SON: variants seen among roughly 807,000 people sequenced by gnomAD.
SON encodes SON DNA and RNA binding protein.
In SON, 4 loss-of-function variants were observed where a neutral mutation model predicts 173.3. That is an observed-to-expected ratio of 0.02 (90% CI 0.01 to 0.05). The LOEUF (loss-of-function observed/expected upper bound fraction) is 0.05, where lower values mean the gene tolerates loss of function less well. Ranked by LOEUF, SON falls within the 10% of genes least tolerant of loss-of-function variation. SON has a pLI of 1.00. For missense variants in SON, 2,626 were observed against 3,055.3 expected (o/e 0.86, Z 3.31); for synonymous variants, 1,190 against 1,105.9 (o/e 1.08, Z -1.51).
intron 9 of SON, among the ~76,000 whole-genome samples, chr21:33,574,129 A>C (rs2145885106): frequency 6.6e-6 from 1 of 152,336 alleles, no homozygotes; most frequent in Non-Finnish European, 1.5e-5. Flanking sequence ...ATGATAGCTA[A>C]TTGGCGTCTT....
rs763563040 is a variant in SON, at chr21:33,551,944, A to G, written c.2713A>G (p.Met905Val). ...AGCGTCTAGTACCCAAGATTCTGCT[A>G]TGTTGGGTTCAAAATCTCCTGATCC... ...MLASSTQDSA[M>V]LGSKSPDPYR... The change falls in exon 3 of 12, where the codon ATG becomes GTG. Residue 905 changes from methionine to valine, a missense_variant. Physicochemically the swap from Met to Val is conservative, Grantham distance 21. Transcript: ENST00000356577. 1.9e-5 allele frequency: 31 copies of G among 1,614,006 alleles called. No individual in the cohort carries two copies. Among genetic ancestry groups the G allele is most frequent in the East Asian group, 2.2e-5 (1 of 44,902 alleles).
chr21:33,555,020 G>A lies in SON; in HGVS notation c.5789G>A (p.Arg1930Gln), dbSNP rs745466220. Residue 1930 changes from arginine to glutamine, a missense_variant, in exon 3 of 12, where the codon CGG (arginine) becomes CAG (glutamine). Arg to Gln is a conservative substitution (Grantham distance 43). Transcript: ENST00000356577. ...AGTCGAACCCCAAGTCGTCGGAGTC[G>A]GAGTCATACTCCAAGTCGTCGACGA... ...ARSRTPSRRS[R>Q]SHTPSRRRRS... 4 of 1,613,020 alleles carry A rather than the reference G, an allele frequency of 2.5e-6. No homozygotes were observed. The highest frequency in any genetic ancestry group is 4.5e-5 in the East Asian group (2 of 44,886).
At chr21:33,572,470 C>T in intron 8 of SON, 1 of 795,990 alleles carries the variant, frequency 1.3e-6, no homozygotes, top group Non-Finnish European at 1.9e-6. Flanking sequence ...AATTATGGTT[C>T]AGTGGGTTGG....
At chr21:33,565,141 GAGA>G (rs1003750176) in intron 6 of SON, among the ~76,000 whole-genome samples, 13 of 152,142 alleles carry the variant, frequency 8.5e-5, no homozygotes, top group African/African-American at 2.7e-4. Context: ...AAGGCTAAGA[GAGA>G]AGAACATTCG....
intron 6 of SON, chr21:33,560,205 G>A (rs1309815507): frequency 6.5e-7 from 1 of 1,539,734 alleles, no homozygotes; most frequent in East Asian, 2.3e-5. Context: ...GATTGGAAAA[G>A]GTCATTGTAG....
intron 1 of SON, among the ~76,000 whole-genome samples, chr21:33,545,160 C>T (rs899046686): frequency 6.6e-6 from 1 of 152,130 alleles, no homozygotes; most frequent in African/African-American, 2.4e-5. Flanking sequence ...GCTGTGTGAC[C>T]TTCAGCTAAG....
At position 33,559,772 on chromosome 21, in the gene SON, A is replaced by T; in HGVS notation, c.6654A>T (p.Ser2218=). 1 of 1,613,600 alleles carries T rather than the reference A, an allele frequency of 6.2e-7. No individual in the cohort carries two copies. Among genetic ancestry groups the T allele is most frequent in the Non-Finnish European group, 8.5e-7 (1 of 1,179,824 alleles). ...ATGTTTTCAGCAGCAATTTGCCCTC[A>T]GAGGTAAGTAGGAGGAATATTATGT... is the stretch of plus-strand genomic sequence containing the variant. ...DDNVFSSNLP[S]EPVDISTAMS... Residue 2218 remains serine (S), a synonymous_variant, in exon 6 of 12, where the codon TCA becomes TCT. Transcript: ENST00000356577. This position sits in a 1 kb window ranked among gnomAD's most constrained non-coding sequence, Gnocchi z 4.1.
chr21:33,544,648 T>G (rs1306590747), intron 1 of SON, among the ~76,000 whole-genome samples: 1 of 152,240 alleles, frequency 6.6e-6, no homozygotes, highest in Admixed American at 6.5e-5. Context: ...TCTCAGTCTT[T>G]TGGACTTCTT....
chr21:33,575,995 G>T (rs1429814276), intron 11 of SON, 102 bp downstream of exon 11: 1 of 613,362 alleles, frequency 1.6e-6, no homozygotes. Context: ...GTTCATGGGT[G>T]GGGGGTTTGT....
chr21:33,568,883 C>A, intron 7 of SON, 88 bp from the exon 8 acceptor site: 2 of 731,874 alleles, frequency 2.7e-6, no homozygotes, highest in Non-Finnish European at 4.6e-6. Flanking sequence ...TTTAAGTCTG[C>A]TTTTCAGCCA....
At chr21:33,570,610 A>G (rs2086263548) in intron 8 of SON, among the ~76,000 whole-genome samples, 1 of 152,176 alleles carries the variant, frequency 6.6e-6, no homozygotes, top group South Asian at 2.1e-4. Flanking sequence ...TATTATAGTT[A>G]CTATGAAAGT....
intron 6 of SON, among the ~76,000 whole-genome samples, chr21:33,563,152 T>C (rs540579132): frequency 6.6e-6 from 1 of 152,200 alleles, no homozygotes; most frequent in Non-Finnish European, 1.5e-5. Flanking sequence ...ATGTGTAATA[T>C]ACAGCCTTGT....
At position 33,567,607 on chromosome 21, in the gene SON, C is replaced by G. The variant is rs1329084426; in HGVS notation, c.6768+340C>G. 1.5e-5 allele frequency: 3 copies of G among 199,474 alleles called. No individual in the cohort carries two copies. In the Admixed American group the frequency reaches 1.6e-4, roughly 11 times the overall value. The allele number at this position is 199,474 out of a possible 1,614,324, so 12.4% of individuals were successfully genotyped here. A position where few individuals can be genotyped will look rare whatever the true frequency, so the allele number is the denominator to read the frequency against. On this transcript the variant is annotated intron_variant, in intron 7 of 11. Coordinates refer to ENST00000356577, the MANE Select transcript of SON (RefSeq NM_138927.4). Reference sequence around the variant, plus strand: ...GGTATTAATAGTTGCCATATTTCAGCCGAGAAAACTGAAGTAAAGGGTGGT... The same window carrying G: ...GGTATTAATAGTTGCCATATTTCAGGCGAGAAAACTGAAGTAAAGGGTGGT...
At chr21:33,573,733 A>G (rs1457556277) in intron 9 of SON, among the ~76,000 whole-genome samples, 2 of 152,198 alleles carry the variant, frequency 1.3e-5, no homozygotes, top group African/African-American at 4.8e-5. Context: ...TACACCTCCA[A>G]ATTCAACTGG....
intron 6 of SON, among the ~76,000 whole-genome samples, chr21:33,564,811 A>G (rs947201837): frequency 6.7e-6 from 1 of 150,114 alleles, no homozygotes. Flanking sequence ...CAGTGAGCCA[A>G]GACTGTGCCA....
In SON at chr21:33,576,619, C is replaced by T. The variant is rs191712363; in HGVS notation, c.*195C>T. 4.5e-4 allele frequency: 310 copies of T among 694,292 alleles called. No individual in the cohort carries two copies. The East Asian group carries it at 7.1e-3, about 16-fold the overall frequency. The allele number at this position is 694,292 out of a possible 1,614,324, so 43.0% of individuals were successfully genotyped here. On this transcript the variant is annotated 3_prime_UTR_variant, in exon 12 of 12. Transcript: ENST00000356577. The stretch of plus-strand genomic sequence containing the variant: ...ATCATTTCAGAATTTTACTCTGCAT[C>T]ACAATGTATTTCCTCTTTAATGTTG...
In SON at chr21:33,553,722, T is replaced by C. The variant is rs1406386774; in HGVS notation, c.4491T>C (p.Ala1497=). ...TATCCTCTGGTGATCAAAATCTTGCTCCAGAGATTGGCATGCAGGAGATTG... is the reference window on the plus strand; with the variant it reads ...TATCCTCTGGTGATCAAAATCTTGCCCCAGAGATTGGCATGCAGGAGATTG... ...INLSSGDQNL[A]PEIGMQEIAL... Residue 1497 remains alanine, a synonymous_variant, in exon 3 of 12, where the codon GCT becomes GCC. Transcript: ENST00000356577. The C allele has an allele frequency of 4.3e-6, 7 of 1,613,890 alleles. No homozygotes were observed. Among genetic ancestry groups the C allele is most frequent in the South Asian group, 2.2e-5 (2 of 91,080 alleles).
At position 33,549,551 on chromosome 21, in the gene SON, A is replaced by C. The variant is rs755809671; in HGVS notation, c.320A>C (p.Lys107Thr). The change falls in exon 3 of 12, where the codon AAG becomes ACG. Residue 107 changes from lysine to threonine, a missense_variant. Coordinates refer to ENST00000356577, the MANE Select transcript of SON (RefSeq NM_138927.4). Reference protein sequence around the residue: ...TDPTDEIPTKKSKKHKKHKNK... With the variant: ...TDPTDEIPTKTSKKHKKHKNK... ...CCTACTGATGAAATTCCCACTAAAAAGTCAAAGAAGCATAAAAAGCACAAA... is the reference window on the plus strand; with the variant it reads ...CCTACTGATGAAATTCCCACTAAAACGTCAAAGAAGCATAAAAAGCACAAA... 6.3e-7 allele frequency: 1 copy of C among 1,584,888 alleles called. No individual in the cohort carries two copies. The highest frequency in any genetic ancestry group is 1.9e-5 in the Admixed American group (1 of 52,024).
At chr21:33,571,173 G>T (rs1437741245) in intron 8 of SON, among the ~76,000 whole-genome samples, 2 of 152,110 alleles carry the variant, frequency 1.3e-5, no homozygotes, top group East Asian at 1.9e-4. Flanking sequence ...TAAAGGAAAA[G>T]ATTCATTTGT....
Sources: allele counts gnomAD v4.1 joint callset (sites outside exome capture counted in the v4.1 genomes callset), GRCh38; gene constraint gnomAD v4.1.1; non-coding constraint Gnocchi (gnomAD v3.1); transcripts MANE v1.5; gene names NCBI Gene and HGNC (gene_info 2026-07-23, HGNC 2026-07-21).